AFG2A: variants seen among roughly 807,000 people sequenced by gnomAD.
The protein encoded by AFG2A is AAA ATPase AFG2A, also known as ATPase family gene 2 protein homolog A.
chr4:123,242,647 T>G, the AFG2A span, among the ~76,000 whole-genome samples: 1 of 152,172 alleles, frequency 6.6e-6, no homozygotes, highest in African/African-American at 2.4e-5. Flanking sequence ...ATAAAAACCC[T>G]AGAAGAAAAC....
the AFG2A span, chr4:122,936,291 C>A: frequency 2.2e-6 from 1 of 458,248 alleles, no homozygotes; most frequent in Non-Finnish European, 3.7e-6. Context: ...GATTATAGAT[C>A]TAATGAAATT....
At chr4:123,299,117 A>ATGTGTGTGTGTGTGTGTGTGTG in the AFG2A span, among the ~76,000 whole-genome samples, 25 of 147,220 alleles carry the variant, frequency 1.7e-4, no homozygotes, top group African/African-American at 5.5e-4. Flanking sequence ...GCATCTGCCA[A>ATGTGTGTGTGTGTGTGTGTGTG]TGTGTGTGTG....
the AFG2A span, among the ~76,000 whole-genome samples, chr4:123,270,384 G>A: frequency 3.0e-4 from 46 of 152,300 alleles, no homozygotes; most frequent in South Asian, 7.1e-3. Flanking sequence ...CAACTCTGTG[G>A]CCTTTACTAC....
At chr4:123,246,447 A>C in the AFG2A span, among the ~76,000 whole-genome samples, 2 of 152,304 alleles carry the variant, frequency 1.3e-5, no homozygotes, top group South Asian at 4.1e-4. Flanking sequence ...AAAAACCTGC[A>C]ATTTGCTACG....
At chr4:123,057,350 T>G in the AFG2A span, 4 of 1,510,254 alleles carry the variant, frequency 2.6e-6, no homozygotes, top group African/African-American at 5.5e-5. Flanking sequence ...ATAATAGCAA[T>G]TATGGTATAA....
the AFG2A span, among the ~76,000 whole-genome samples, chr4:123,179,169 A>G: frequency 6.6e-6 from 1 of 152,212 alleles, no homozygotes; most frequent in Non-Finnish European, 1.5e-5. Flanking sequence ...ACCTAATTAG[A>G]TGAGGACCAT....
the AFG2A span, among the ~76,000 whole-genome samples, chr4:122,970,857 G>A: frequency 4.6e-5 from 7 of 151,634 alleles, no homozygotes; most frequent in South Asian, 2.1e-4. Context: ...TTTTTGAGAC[G>A]GAGTCTTGCT....
the AFG2A span, among the ~76,000 whole-genome samples, chr4:123,204,215 G>A: frequency 7.4e-4 from 113 of 152,288 alleles, no homozygotes; most frequent in African/African-American, 2.4e-3. Flanking sequence ...TCAGGTTCCA[G>A]GGGTTAGAAT....
the AFG2A span, among the ~76,000 whole-genome samples, chr4:122,969,574 T>C: frequency 1.3e-5 from 2 of 152,216 alleles, no homozygotes; most frequent in Admixed American, 6.5e-5. Context: ...TGCATTCCCA[T>C]AGAAGTTTTA....
the AFG2A span, among the ~76,000 whole-genome samples, chr4:122,998,943 TCCTATTTCTC>T: frequency 6.6e-6 from 1 of 152,104 alleles, no homozygotes; most frequent in Admixed American, 6.5e-5. Flanking sequence ...GTAAAAGTGT[TCCTATTTCTC>T]CACATCCTCT....
chr4:123,164,963 T>G, the AFG2A span, among the ~76,000 whole-genome samples: 1 of 152,172 alleles, frequency 6.6e-6, no homozygotes, highest in Non-Finnish European at 1.5e-5. Context: ...TTTTACAGTC[T>G]CTAAAAAGAC....
chr4:123,310,453 C>T, the AFG2A span, among the ~76,000 whole-genome samples: 14 of 152,148 alleles, frequency 9.2e-5, no homozygotes, highest in South Asian at 4.1e-4. Flanking sequence ...ATTCCTTTCC[C>T]TTACCTGTAT....
chr4:123,129,917 A>G, the AFG2A span, among the ~76,000 whole-genome samples: 22 of 152,034 alleles, frequency 1.4e-4, no homozygotes, highest in Non-Finnish European at 1.3e-4. Context: ...AGTAAATTCT[A>G]TTACCATCCT....
At chr4:123,227,544 G>A in the AFG2A span, among the ~76,000 whole-genome samples, 7 of 152,228 alleles carry the variant, frequency 4.6e-5, no homozygotes, top group East Asian at 1.2e-3. Context: ...TTAATCCTGA[G>A]TTCTAGTTTG....
At chr4:123,224,983 G>C in the AFG2A span, among the ~76,000 whole-genome samples, 170 of 152,186 alleles carry the variant, frequency 1.1e-3, no homozygotes, top group Non-Finnish European at 1.3e-3. Context: ...ATTTTTTCAT[G>C]TGTCTTTTGG....
the AFG2A span, among the ~76,000 whole-genome samples, chr4:123,010,779 C>T: frequency 6.6e-6 from 1 of 152,212 alleles, no homozygotes; most frequent in Non-Finnish European, 1.5e-5. Flanking sequence ...TCTCATTGAA[C>T]TCGCTCTGTG....
the AFG2A span, among the ~76,000 whole-genome samples, chr4:123,081,862 T>C: frequency 6.6e-6 from 1 of 152,196 alleles, no homozygotes; most frequent in Non-Finnish European, 1.5e-5. Flanking sequence ...TGGTATCTTA[T>C]TGTTTTCATT....
At chr4:122,970,029 A>G in the AFG2A span, among the ~76,000 whole-genome samples, 3 of 152,086 alleles carry the variant, frequency 2.0e-5, no homozygotes, top group African/African-American at 7.2e-5. Context: ...TGTAATTAGT[A>G]TTATTATTTT....
the AFG2A span, among the ~76,000 whole-genome samples, chr4:123,047,174 C>G: frequency 6.9e-3 from 1,052 of 152,318 alleles, 8 homozygotes; most frequent in African/African-American, 0.024. Context: ...AACCTCCCCA[C>G]TGCTTTCCGT....
Sources: allele counts gnomAD v4.1 joint callset (sites outside exome capture counted in the v4.1 genomes callset), GRCh38; gene constraint gnomAD v4.1.1; transcripts MANE v1.5; gene names NCBI Gene and HGNC (gene_info 2026-07-23, HGNC 2026-07-21).